PTPRG: variants seen among roughly 807,000 people sequenced by gnomAD.
PTPRG encodes the protein protein tyrosine phosphatase receptor type G.
PTPRG carries 102 observed loss-of-function variants against 165.3 expected under a neutral mutation model. The observed-to-expected ratio is 0.62, with a 90% CI of 0.53 to 0.73. The LOEUF is 0.73. Ranked by LOEUF, PTPRG falls within the 30% of genes least tolerant of loss-of-function variation. The pLI is 0.00. For synonymous variants in PTPRG, 675 were observed against 669.5 expected (o/e 1.01, Z -0.13); for missense variants, 1,866 against 1,861.4 (o/e 1.00, Z -0.05).
At chr3:62,159,966 A>C (rs1237460161) in intron 7 of PTPRG, among the ~76,000 whole-genome samples, 1 of 152,192 alleles carries the variant, frequency 6.6e-6, no homozygotes, top group Non-Finnish European at 1.5e-5. Flanking sequence ...TGACCCTGCC[A>C]ACATTCTTTC....
At chr3:62,288,727 T>TTTTC (rs1195681146) in intron 28 of PTPRG, among the ~76,000 whole-genome samples, 1 of 151,958 alleles carries the variant, frequency 6.6e-6, no homozygotes, top group Admixed American at 6.6e-5. Flanking sequence ...TGATAGTGTG[T>TTTTC]TTTCTTTAAA....
intron 1 of PTPRG, among the ~76,000 whole-genome samples, chr3:61,741,015 A>T (rs1164995469): frequency 6.6e-6 from 1 of 152,238 alleles, no homozygotes. Context: ...AAATACAGGC[A>T]CAAAGGAAAT....
chr3:62,048,542 A>G (rs1700368338), intron 4 of PTPRG, among the ~76,000 whole-genome samples: 1 of 152,230 alleles, frequency 6.6e-6, no homozygotes, highest in Non-Finnish European at 1.5e-5. Context: ...GTAGGAAAAC[A>G]TTGTAGGGTT....
At chr3:62,135,431 T>G (rs965495838) in intron 6 of PTPRG, among the ~76,000 whole-genome samples, 1 of 152,164 alleles carries the variant, frequency 6.6e-6, no homozygotes, top group Non-Finnish European at 1.5e-5. Context: ...GACAGAGATG[T>G]GTAAAGAGAA....
chr3:61,989,237 A>C (rs1399407933), intron 2 of PTPRG, among the ~76,000 whole-genome samples: 1 of 152,140 alleles, frequency 6.6e-6, no homozygotes, highest in Non-Finnish European at 1.5e-5. Context: ...AGTTGTATTT[A>C]GGATATTGCC....
At chr3:61,612,629 GT>G (rs1292838250) in intron 1 of PTPRG, among the ~76,000 whole-genome samples, 1 of 151,998 alleles carries the variant, frequency 6.6e-6, no homozygotes, top group Non-Finnish European at 1.5e-5. Context: ...TTGTTCCTCT[GT>G]TTTTTTCCCC....
At chr3:62,137,345 A>AT (rs1314597194) in intron 6 of PTPRG, among the ~76,000 whole-genome samples, 1 of 152,154 alleles carries the variant, frequency 6.6e-6, no homozygotes, top group African/African-American at 2.4e-5. Context: ...TAAAAAAAAA[A>AT]TCCTGTTTGT....
At chr3:61,931,297 A>G (rs1333827294) in intron 2 of PTPRG, among the ~76,000 whole-genome samples, 3 of 152,182 alleles carry the variant, frequency 2.0e-5, no homozygotes, top group Non-Finnish European at 4.4e-5. Flanking sequence ...AGTTCTGCTT[A>G]AAGGTTTATT....
chr3:61,797,467 A>C (rs1452076089), intron 2 of PTPRG, among the ~76,000 whole-genome samples: 1 of 152,154 alleles, frequency 6.6e-6, no homozygotes, highest in Admixed American at 6.5e-5. Flanking sequence ...TAAGAAAAAA[A>C]TGTTGATACA....
intron 2 of PTPRG, among the ~76,000 whole-genome samples, chr3:61,772,058 T>TAAAAAAAAA (rs71100977): frequency 1.5e-5 from 1 of 64,780 alleles, no homozygotes; most frequent in Non-Finnish European, 2.8e-5. Context: ...AGACTCTGTC[T>TAAAAAAAAA]AAAAAAAAAA....
At chr3:61,892,741 G>A (rs527869555) in intron 2 of PTPRG, among the ~76,000 whole-genome samples, 4 of 152,064 alleles carry the variant, frequency 2.6e-5, no homozygotes, top group Admixed American at 6.5e-5. Flanking sequence ...GCCTGAACCC[G>A]GGAGGGGGAG....
chr3:61,906,577 C>G (rs952647218), intron 2 of PTPRG, among the ~76,000 whole-genome samples: 2 of 152,058 alleles, frequency 1.3e-5, no homozygotes, highest in African/African-American at 4.8e-5. Flanking sequence ...CGAGACCAGC[C>G]TGGGCAACAT....
chr3:62,248,904 T>G (rs1323959289), intron 15 of PTPRG, among the ~76,000 whole-genome samples: 1 of 152,198 alleles, frequency 6.6e-6, no homozygotes, highest in African/African-American at 2.4e-5. Context: ...GTCACTGGCT[T>G]CAGCAGGGTG....
At chr3:62,165,694 A>C (rs920248119) in intron 7 of PTPRG, among the ~76,000 whole-genome samples, 1 of 152,200 alleles carries the variant, frequency 6.6e-6, no homozygotes, top group African/African-American at 2.4e-5. Context: ...AAAGGCAGAA[A>C]AAATTCCATG....
chr3:61,900,735 G>A (rs1040949007), intron 2 of PTPRG, among the ~76,000 whole-genome samples: 7 of 152,076 alleles, frequency 4.6e-5, no homozygotes, highest in African/African-American at 1.7e-4. Context: ...AGAGGACAGA[G>A]TCCATGTGAA....
At chr3:62,001,740 C>T (rs537431858) in intron 3 of PTPRG, among the ~76,000 whole-genome samples, 11 of 152,130 alleles carry the variant, frequency 7.2e-5, no homozygotes, top group African/African-American at 2.7e-4. Flanking sequence ...TTTCATGACA[C>T]GTTGAAAATT....
At position 62,157,189 on chromosome 3, in the gene PTPRG, G is replaced by A. The variant is rs1330863902; in HGVS notation, c.805G>A (p.Val269Ile). 1.2e-6 allele frequency: 2 copies of A among 1,613,844 alleles called. No homozygotes were observed. Among genetic ancestry groups the A allele is most frequent in the Non-Finnish European group, 1.7e-6 (2 of 1,179,874 alleles). The change falls in exon 7 of 30, where the codon GTC becomes ATC. Residue 269 changes from valine (V) to isoleucine (I), a missense_variant. Around this residue, in one of 3 missense-constraint regions of PTPRG, gnomAD observed 408 missense variants for 376.2 expected, o/e 1.08. Transcript: ENST00000474889. ...PPCSEIVEWI[V>I]FRRPVPISYH... ...GTGTAGCGAAATAGTGGAGTGGATA[G>A]TCTTCCGGAGACCCGTCCCCATCTC...
At chr3:61,596,093 C>T (rs866921886) in intron 1 of PTPRG, among the ~76,000 whole-genome samples, 1 of 152,184 alleles carries the variant, frequency 6.6e-6, no homozygotes, top group Admixed American at 6.5e-5. Context: ...ATGTACTCTT[C>T]TTAAGTCAGT....
chr3:62,237,652 T>C lies in PTPRG; in HGVS notation c.2376-6155T>C, dbSNP rs1258033199. Among the ~76,000 whole-genome samples, 2 of 152,186 alleles carry C rather than the reference T, an allele frequency of 1.3e-5. No individual in the cohort carries two copies. Among genetic ancestry groups the C allele is most frequent in the Non-Finnish European group, 2.9e-5 (2 of 68,028 alleles). On this transcript the variant is annotated intron_variant, in intron 14 of 29. Coordinates refer to ENST00000474889, the MANE Select transcript of PTPRG (RefSeq NM_002841.4). This position sits in a 1 kb window ranked among gnomAD's most constrained non-coding sequence, Gnocchi z 4.5. The stretch of plus-strand genomic sequence containing the variant: ...CTTATTTGAAAGCATGGAAGGTTAT[T>C]TTTAGAAATTTCAGTCCAAGAGAAA...
Sources: gnomAD v4.1 joint callset for allele counts (sites outside exome capture counted in the v4.1 genomes callset) on GRCh38, gnomAD v4.1.1 for gene constraint, gnomAD v4.1.1 regional missense constraint, Gnocchi (gnomAD v3.1) non-coding constraint, MANE v1.5 for transcripts, NCBI Gene and HGNC (gene_info 2026-07-23, HGNC 2026-07-21) for gene names.